Variants in TRPC6 observed in about 807,000 individuals in gnomAD.
The protein encoded by TRPC6 is short transient receptor potential channel 6.
A neutral mutation model predicts 90.7 loss-of-function variants in TRPC6; 55 were observed. That is an observed-to-expected ratio of 0.61 (90% CI 0.49 to 0.76). TRPC6 has a LOEUF of 0.76. TRPC6 is among the 30% of genes least tolerant of loss of function. The pLI, the probability that TRPC6 is intolerant of heterozygous loss-of-function variation, is 0.00. For synonymous variants in TRPC6, 393 were observed against 393.0 expected (o/e 1.00, Z 0.00); for missense variants, 989 against 1,122.7 (o/e 0.88, Z 1.70).
At chr11:101,535,226 GGAAGGAAGAAA>G in intron 1 of TRPC6, among the ~76,000 whole-genome samples, 1 of 72,138 alleles carries the variant, frequency 1.4e-5, no homozygotes, top group African/African-American at 3.9e-5. Flanking sequence ...AAGGAAGGAA[GGAAGGAAGAAA>G]ACACAAAGCA....
chr11:101,453,606 C>T, intron 12 of TRPC6, 44 bp downstream of exon 12: 1 of 1,580,068 alleles, frequency 6.3e-7, no homozygotes, highest in Non-Finnish European at 8.7e-7. Context: ...GGCCCCCGTC[C>T]TGACTCACAT....
chr11:101,537,321 T>G (rs573421793), intron 1 of TRPC6, among the ~76,000 whole-genome samples: 139 of 152,294 alleles, frequency 9.1e-4, no homozygotes, highest in African/African-American at 3.3e-3. Context: ...CACATTACAA[T>G]CATTAACAGT....
intron 1 of TRPC6, among the ~76,000 whole-genome samples, chr11:101,521,959 T>A (rs1860673072): frequency 6.6e-6 from 1 of 152,230 alleles, no homozygotes; most frequent in South Asian, 2.1e-4. Flanking sequence ...ACTTTTTGTT[T>A]ACTTTACAGG....
intron 1 of TRPC6, among the ~76,000 whole-genome samples, chr11:101,548,151 G>A (rs1046272615): frequency 2.0e-5 from 3 of 150,148 alleles, no homozygotes; most frequent in African/African-American, 7.3e-5. Flanking sequence ...AACAAATAAG[G>A]TTTTCTAAAA....
At chr11:101,484,602 T>TGTGA (rs1859632256) in intron 4 of TRPC6, among the ~76,000 whole-genome samples, 1 of 63,824 alleles carries the variant, frequency 1.6e-5, no homozygotes, top group African/African-American at 1.3e-4. Flanking sequence ...GCTATGTGTG[T>TGTGA]GTGTGTGTGT....
intron 1 of TRPC6, among the ~76,000 whole-genome samples, chr11:101,517,376 TG>T (rs1860546866): frequency 1.3e-5 from 2 of 152,242 alleles, no homozygotes; most frequent in Admixed American, 1.3e-4. Context: ...TAAGAATGCT[TG>T]TTTTCAGTCT....
chr11:101,500,440 C>T lies in TRPC6; in HGVS notation c.945+3584G>A, dbSNP rs542507445. ...GGTCAGACTGGTCTCAAACTCCTGA[C>T]CTCATGATCCACCCACCTCGGCCTC... On this transcript the variant is annotated intron_variant, in intron 2 of 12. Transcript: ENST00000344327. Among the ~76,000 whole-genome samples, 4 of 152,074 alleles carry T rather than the reference C, an allele frequency of 2.6e-5. No homozygotes were observed. In the South Asian group the frequency reaches 6.2e-4, roughly 24 times the overall value.
At chr11:101,543,470 T>A (rs923890978) in intron 1 of TRPC6, among the ~76,000 whole-genome samples, 1 of 152,116 alleles carries the variant, frequency 6.6e-6, no homozygotes, top group East Asian at 1.9e-4. Context: ...GACTTCAAAC[T>A]ATACTATAAG....
At chr11:101,480,772 C>G (rs1859533540) in intron 5 of TRPC6, among the ~76,000 whole-genome samples, 1 of 152,054 alleles carries the variant, frequency 6.6e-6, no homozygotes, top group Non-Finnish European at 1.5e-5. Flanking sequence ...CTTACATATA[C>G]TAAGACATAA....
intron 10 of TRPC6, among the ~76,000 whole-genome samples, chr11:101,468,439 C>T (rs1251708187): frequency 6.6e-6 from 1 of 151,856 alleles, no homozygotes; most frequent in Non-Finnish European, 1.5e-5. Context: ...ACCAGCTTAA[C>T]AAAAAAATGG....
At chr11:101,495,896 C>T (rs1859933665) in intron 2 of TRPC6, among the ~76,000 whole-genome samples, 1 of 152,210 alleles carries the variant, frequency 6.6e-6, no homozygotes, top group Admixed American at 6.5e-5. Context: ...CTCTTTCTCA[C>T]AGTCAGCAAT....
intron 1 of TRPC6, among the ~76,000 whole-genome samples, chr11:101,522,762 T>C (rs1860690649): frequency 6.6e-6 from 1 of 152,204 alleles, no homozygotes; most frequent in African/African-American, 2.4e-5. Context: ...TCAGCACATA[T>C]CTGTTGAATG....
chr11:101,499,034 G>C lies in TRPC6; in HGVS notation c.945+4990C>G, dbSNP rs78691788. Among the ~76,000 whole-genome samples the C allele has an allele frequency of 4.9e-3, 752 of 152,250 alleles. 10 individuals carry two copies. The highest frequency in any genetic ancestry group is 0.017 in the African/African-American group (716 of 41,556). On this transcript the variant is annotated intron_variant, in intron 2 of 12. Coordinates refer to ENST00000344327, the MANE Select transcript of TRPC6 (RefSeq NM_004621.6). ...AGATGGACAGTGCAGGGTGGAGACA[G>C]AAACAAGGGCCATTTTTTATGACTT...
At chr11:101,504,908 A>C in intron 1 of TRPC6, 110 bp from the exon 2 acceptor site, 1 of 1,276,504 alleles carries the variant, frequency 7.8e-7, no homozygotes, top group Non-Finnish European at 1.1e-6. Flanking sequence ...ATGTTGTCTC[A>C]TCATCTCTAG....
chr11:101,490,711 C>T (rs974452809), intron 3 of TRPC6, among the ~76,000 whole-genome samples: 3 of 152,210 alleles, frequency 2.0e-5, no homozygotes, highest in African/African-American at 7.2e-5. Flanking sequence ...CCATCTCAGC[C>T]TCCCAAAGTG....
intron 1 of TRPC6, among the ~76,000 whole-genome samples, chr11:101,563,326 T>TGAGTGAGG (rs1372162248): frequency 6.6e-6 from 1 of 152,182 alleles, no homozygotes; most frequent in East Asian, 1.9e-4. Flanking sequence ...GTGAAAATAC[T>TGAGTGAGG]GAGTGAGGGT....
At chr11:101,484,634 T>TGG (rs1565212247) in intron 4 of TRPC6, among the ~76,000 whole-genome samples, 1 of 142,596 alleles carries the variant, frequency 7.0e-6, no homozygotes, top group Non-Finnish European at 1.5e-5. Flanking sequence ...TGTGTGTGTG[T>TGG]GTATGAGTGC....
intron 1 of TRPC6, among the ~76,000 whole-genome samples, chr11:101,558,232 T>TAC (rs753988938): frequency 0.028 from 3,147 of 111,646 alleles, 162 homozygotes; most frequent in Middle Eastern, 0.054. Context: ...TATACATGTA[T>TAC]ATGGGTATAC....
In TRPC6 at chr11:101,583,533, G is replaced by A. The variant is rs975024488; in HGVS notation, c.-30C>T. Reference sequence around the variant, plus strand: ...GGAACGCCCGACTGGCCTGGGCCCCGCTCCCGGGGGAGCCGAGTGGGCAGT... The same window carrying A: ...GGAACGCCCGACTGGCCTGGGCCCCACTCCCGGGGGAGCCGAGTGGGCAGT... On this transcript the variant is annotated 5_prime_UTR_variant, in exon 1 of 13. Coordinates refer to ENST00000344327, the MANE Select transcript of TRPC6 (RefSeq NM_004621.6). The A allele has an allele frequency of 2.8e-6, 4 of 1,422,216 alleles. No homozygotes were observed. Among genetic ancestry groups the A allele is most frequent in the Non-Finnish European group, 3.7e-6 (4 of 1,093,748 alleles). 88.1% of individuals were successfully genotyped at this position (1,422,216 alleles called of 1,614,324 possible).
Sources: gnomAD v4.1 joint callset for allele counts (sites outside exome capture counted in the v4.1 genomes callset) on GRCh38, gnomAD v4.1.1 for gene constraint, MANE v1.5 for transcripts, NCBI Gene and HGNC (gene_info 2026-07-23, HGNC 2026-07-21) for gene names.